Variants in PDS5B observed in about 807,000 individuals in gnomAD.
PDS5B encodes PDS5 cohesin associated factor B.
Under a neutral mutation model 184.1 loss-of-function variants are expected in PDS5B, and 51 were observed. The ratio of observed to expected loss-of-function variants is 0.28; its 90% CI spans 0.22 to 0.35. PDS5B has a LOEUF of 0.35. Among genes scored for constraint, PDS5B ranks in the 10% least tolerant of loss-of-function variants. PDS5B has a pLI of 1.00. For missense variants in PDS5B, 1,180 were observed against 1,723.3 expected (o/e 0.68, Z 5.58); for synonymous variants, 566 against 569.2 (o/e 0.99, Z 0.08).
At chr13:32,716,783 G>A (rs1246463844) in intron 19 of PDS5B, among the ~76,000 whole-genome samples, 1 of 129,790 alleles carries the variant, frequency 7.7e-6, no homozygotes, top group Non-Finnish European at 1.8e-5. Flanking sequence ...GCCCCGTCCG[G>A]GAGGGAGGTG....
At chr13:32,748,312 GA>G (rs1953835328) in intron 24 of PDS5B, among the ~76,000 whole-genome samples, 1 of 152,014 alleles carries the variant, frequency 6.6e-6, no homozygotes, top group Admixed American at 6.6e-5. Flanking sequence ...TTGTTTTCCA[GA>G]AATGTCCTGT....
intron 1 of PDS5B, among the ~76,000 whole-genome samples, chr13:32,591,785 G>A (rs1161528902): frequency 6.6e-6 from 1 of 152,164 alleles, no homozygotes; most frequent in African/African-American, 2.4e-5. Flanking sequence ...GTGGTTTAAT[G>A]CTAGTTTAAT....
At chr13:32,655,706 A>G (rs1950496722) in intron 3 of PDS5B, among the ~76,000 whole-genome samples, 1 of 151,838 alleles carries the variant, frequency 6.6e-6, no homozygotes, top group Non-Finnish European at 1.5e-5. Flanking sequence ...TTTGCTTGTT[A>G]ATTAAGTTCC....
intron 31 of PDS5B, among the ~76,000 whole-genome samples, chr13:32,768,807 GAAAA>G (rs1215944798): frequency 3.1e-5 from 1 of 32,082 alleles, no homozygotes; most frequent in Non-Finnish European, 7.3e-5. Context: ...AAAAAAAAAA[GAAAA>G]AAAAAAAAAG....
At chr13:32,603,230 C>T (rs2058006211) in intron 1 of PDS5B, among the ~76,000 whole-genome samples, 1 of 152,126 alleles carries the variant, frequency 6.6e-6, no homozygotes, top group African/African-American at 2.4e-5. Flanking sequence ...GGTTTTAGGT[C>T]TAACATTTAA....
intron 11 of PDS5B, among the ~76,000 whole-genome samples, chr13:32,686,599 C>T (rs997675657): frequency 1.3e-5 from 2 of 152,066 alleles, no homozygotes; most frequent in Non-Finnish European, 2.9e-5. Context: ...GCCTGGGCAA[C>T]ATAGACCCTG....
At chr13:32,722,934 C>T (rs1303651361) in intron 19 of PDS5B, among the ~76,000 whole-genome samples, 1 of 152,192 alleles carries the variant, frequency 6.6e-6, no homozygotes, top group Non-Finnish European at 1.5e-5. Flanking sequence ...AGGAAACCAG[C>T]TCTTTGCAGA....
intron 1 of PDS5B, among the ~76,000 whole-genome samples, chr13:32,611,791 G>A (rs150063995): frequency 6.6e-6 from 1 of 151,910 alleles, no homozygotes; most frequent in South Asian, 2.1e-4. Context: ...TTACAAGCAT[G>A]AGCCACGGTG....
intron 1 of PDS5B, among the ~76,000 whole-genome samples, chr13:32,643,057 A>G (rs568511369): frequency 1.3e-5 from 2 of 152,244 alleles, no homozygotes; most frequent in East Asian, 3.9e-4. Flanking sequence ...CACTCTGTCT[A>G]CATTGTATAG....
intron 7 of PDS5B, among the ~76,000 whole-genome samples, chr13:32,669,034 T>G (rs1322875296): frequency 1.3e-5 from 2 of 152,210 alleles, no homozygotes; most frequent in African/African-American, 4.8e-5. Flanking sequence ...TCAGGGAACT[T>G]CCAATACTGG....
At chr13:32,649,507 G>T (rs1232951477) in intron 2 of PDS5B, 1 of 152,088 alleles carries the variant, frequency 6.6e-6, no homozygotes, top group Non-Finnish European at 1.5e-5. Context: ...AGTTTAGATG[G>T]TCTTTATTTT....
chr13:32,663,167 A>T (rs1209291221), intron 6 of PDS5B, among the ~76,000 whole-genome samples: 1 of 152,184 alleles, frequency 6.6e-6, no homozygotes, highest in Non-Finnish European at 1.5e-5. Flanking sequence ...AACCAACAAC[A>T]AAAGAACCTG....
intron 34 of PDS5B, 123 bp from the exon 35 acceptor site, chr13:32,774,894 C>A: frequency 2.1e-6 from 2 of 946,414 alleles, no homozygotes; most frequent in Non-Finnish European, 3.3e-6. Context: ...TAAAAAGTTT[C>A]AGGGAAAGGA....
intron 6 of PDS5B, among the ~76,000 whole-genome samples, chr13:32,661,273 A>T (rs1432268312): frequency 1.3e-5 from 2 of 150,864 alleles, no homozygotes; most frequent in African/African-American, 4.9e-5. Context: ...AATCCCAGCT[A>T]CTCAGGAGGC....
chr13:32,603,972 C>T (rs534877727), intron 1 of PDS5B, among the ~76,000 whole-genome samples: 49 of 152,040 alleles, frequency 3.2e-4, no homozygotes, highest in Non-Finnish European at 5.6e-4. Flanking sequence ...AAGGAGATTT[C>T]GGGCTGAGAC....
chr13:32,657,326 T>A (rs1353970978), intron 3 of PDS5B, among the ~76,000 whole-genome samples: 1 of 152,264 alleles, frequency 6.6e-6, no homozygotes, highest in Non-Finnish European at 1.5e-5. Flanking sequence ...CAGTATGTAA[T>A]GCTCTTCTTT....
At chr13:32,656,183 T>C (rs1233334176) in intron 3 of PDS5B, among the ~76,000 whole-genome samples, 1 of 152,098 alleles carries the variant, frequency 6.6e-6, no homozygotes, top group East Asian at 1.9e-4. Context: ...CATTGTTGTA[T>C]GTGTCTGTTT....
intron 1 of PDS5B, among the ~76,000 whole-genome samples, chr13:32,635,044 T>TG (rs2058519859): frequency 1.3e-5 from 2 of 150,106 alleles, no homozygotes; most frequent in Admixed American, 6.6e-5. Flanking sequence ...GCCTTACTCT[T>TG]GTCACCTAGG....
chr13:32,774,509 A>AT (rs918261286), intron 34 of PDS5B, among the ~76,000 whole-genome samples: 1 of 152,206 alleles, frequency 6.6e-6, no homozygotes, highest in African/African-American at 2.4e-5. Flanking sequence ...TAATATTGAC[A>AT]TTTTTTGAAC....
Sources: allele counts gnomAD v4.1 joint callset (sites outside exome capture counted in the v4.1 genomes callset), GRCh38; gene constraint gnomAD v4.1.1; transcripts MANE v1.5; gene names NCBI Gene and HGNC (gene_info 2026-07-23, HGNC 2026-07-21).